Variants in PPP2R2C observed in about 807,000 individuals in gnomAD.
PPP2R2C encodes the protein protein phosphatase 2 regulatory subunit Bgamma.
In PPP2R2C, 10 loss-of-function variants were observed where a neutral mutation model predicts 45.3. The ratio of observed to expected loss-of-function variants is 0.22; its 90% CI spans 0.14 to 0.37. The LOEUF (loss-of-function observed/expected upper bound fraction) is 0.37, where lower values mean the gene tolerates loss of function less well. Among genes scored for constraint, PPP2R2C ranks in the 10% least tolerant of loss-of-function variants. The pLI is 1.00. For synonymous variants in PPP2R2C, 257 were observed against 245.4 expected (o/e 1.05, Z -0.44); for missense variants, 308 against 619.7 (o/e 0.50, Z 5.34).
In PPP2R2C at chr4:6,328,493, T is replaced by G. The variant is rs943025338; in HGVS notation, c.1052+769A>C. On this transcript the variant is annotated intron_variant, in intron 8 of 8. Coordinates refer to ENST00000382599, the MANE Select transcript of PPP2R2C (RefSeq NM_020416.4). This position sits in a 1 kb window ranked among gnomAD's most constrained non-coding sequence, Gnocchi z 4.4. ...CAGGACCCTGAGCACAAAGCTGATG[T>G]GATTTGGGAGGGCAGAAGAGGGATT... 6.6e-6 allele frequency among the ~76,000 whole-genome samples: 1 copy of G among 152,046 alleles called. No individual in the cohort carries two copies. Among genetic ancestry groups the G allele is most frequent in the Non-Finnish European group, 1.5e-5 (1 of 67,998 alleles).
chr4:6,369,622 C>T (rs1006871742), intron 5 of PPP2R2C, among the ~76,000 whole-genome samples: 4 of 152,326 alleles, frequency 2.6e-5, no homozygotes, highest in South Asian at 4.1e-4. Flanking sequence ...CTGCACCATC[C>T]ACAGTGCCAC....
At chr4:6,518,556 C>A (rs982808092) in intron 2 of PPP2R2C, among the ~76,000 whole-genome samples, 1 of 152,098 alleles carries the variant, frequency 6.6e-6, no homozygotes, top group African/African-American at 2.4e-5. Flanking sequence ...AGATGAAATG[C>A]CAATTCCTTA....
rs532588164 is a variant in PPP2R2C, at chr4:6,559,261, G to A, written c.-59+4299C>T. ...CCTCAGTGTGCTCCTCTGTAAAACC[G>A]GGGGCAGTGGGCACGTCCACACCCT... On this transcript the variant is annotated intron_variant, in intron 1 of 9. Coordinates refer to the PPP2R2C transcript ENST00000506140. Among the ~76,000 whole-genome samples the A allele has an allele frequency of 3.9e-5, 6 of 152,260 alleles. No homozygotes were observed. In the East Asian group the frequency reaches 1.2e-3, roughly 29 times the overall value.
chr4:6,375,134 G>C (rs781219661), intron 4 of PPP2R2C, among the ~76,000 whole-genome samples: 5 of 152,148 alleles, frequency 3.3e-5, no homozygotes, highest in Admixed American at 2.0e-4. Flanking sequence ...GGGGGGTGGG[G>C]CAGGGGGCAC....
intron 2 of PPP2R2C, among the ~76,000 whole-genome samples, chr4:6,533,117 A>G (rs1424656068): frequency 2.0e-5 from 3 of 152,232 alleles, no homozygotes; most frequent in African/African-American, 7.2e-5. Flanking sequence ...GACTTTAGAA[A>G]GCTTCCTATT....
Position 6,350,757 on chromosome 4 carries a change from T to C in PPP2R2C, c.626-2747A>G, listed in dbSNP as rs1175905696. On this transcript the variant is annotated intron_variant, in intron 5 of 8. Coordinates refer to ENST00000382599, the MANE Select transcript of PPP2R2C (RefSeq NM_020416.4). ...CCAATGAATAGACAAGTGAGGCATG[T>C]CACCTCCAGGCTGAAGTTTTGAGAG... 6.1e-6 allele frequency: 6 copies of C among 985,394 alleles called. No homozygotes were observed. The South Asian group carries it at 1.4e-4, about 23-fold the overall frequency. The allele number at this position is 985,394 out of a possible 1,614,324, so 61.0% of individuals were successfully genotyped here.
At chr4:6,469,543 C>T (rs1577206946) in intron 1 of PPP2R2C, among the ~76,000 whole-genome samples, 1 of 152,200 alleles carries the variant, frequency 6.6e-6, no homozygotes, top group African/African-American at 2.4e-5. Flanking sequence ...TCCAACAACC[C>T]AAGCACTGTG....
At chr4:6,402,704 G>C (rs1237791030) in intron 1 of PPP2R2C, among the ~76,000 whole-genome samples, 1 of 152,226 alleles carries the variant, frequency 6.6e-6, no homozygotes, top group Non-Finnish European at 1.5e-5. Flanking sequence ...GAGACATGGG[G>C]ATTCTGAGGG....
intron 1 of PPP2R2C, among the ~76,000 whole-genome samples, chr4:6,539,397 T>C (rs1231553671): frequency 6.6e-6 from 1 of 152,180 alleles, no homozygotes; most frequent in African/African-American, 2.4e-5. Flanking sequence ...TACGTTTCTG[T>C]TGTCTTAAAC....
At chr4:6,390,583 G>A (rs545570166) in intron 1 of PPP2R2C, among the ~76,000 whole-genome samples, 20 of 152,352 alleles carry the variant, frequency 1.3e-4, no homozygotes, top group African/African-American at 2.6e-4. Context: ...AAGTCTGGGC[G>A]GAGTCAGACT....
intron 2 of PPP2R2C, among the ~76,000 whole-genome samples, chr4:6,380,737 C>T (rs1715714284): frequency 6.6e-6 from 1 of 152,078 alleles, no homozygotes. Context: ...CCTACCACCG[C>T]CCGCCACTCC....
At chr4:6,379,285 A>G (rs1409893232) in intron 2 of PPP2R2C, among the ~76,000 whole-genome samples, 2 of 152,202 alleles carry the variant, frequency 1.3e-5, no homozygotes, top group African/African-American at 4.8e-5. Context: ...TCAGGTGGTG[A>G]GTCCACTGTG....
intron 1 of PPP2R2C, among the ~76,000 whole-genome samples, chr4:6,433,600 C>A (rs554353654): frequency 1.5e-4 from 23 of 152,326 alleles, no homozygotes; most frequent in South Asian, 6.2e-4. Flanking sequence ...GTCATCCCCC[C>A]CATTGGGCCA....
chr4:6,502,721 T>C lies in PPP2R2C; in HGVS notation c.49+32550A>G, dbSNP rs369866502. 1.5e-4 allele frequency among the ~76,000 whole-genome samples: 23 copies of C among 152,224 alleles called. 1 individual carries two copies. Among genetic ancestry groups the C allele is most frequent in the African/African-American group, 5.3e-4 (22 of 41,538 alleles). On this transcript the variant is annotated intron_variant, in intron 2 of 9. Transcript: ENST00000506140. ...AGGCAGGGTAATAGGATAGAGGGAC[T>C]TTGCACACTTCCTGACCCCCTCCTT... is the stretch of plus-strand genomic sequence containing the variant.
intron 5 of PPP2R2C, chr4:6,349,738 C>CT: frequency 2.1e-6 from 1 of 477,704 alleles, no homozygotes; most frequent in South Asian, 1.0e-4. Context: ...CCCATCTCTA[C>CT]TAAAAAAAAA....
At chr4:6,337,404 T>C (rs1334787275) in intron 6 of PPP2R2C, among the ~76,000 whole-genome samples, 1 of 151,800 alleles carries the variant, frequency 6.6e-6, no homozygotes, top group Non-Finnish European at 1.5e-5. Context: ...CGGGACCTGG[T>C]GGCCCCCAGC....
intron 2 of PPP2R2C, among the ~76,000 whole-genome samples, chr4:6,525,580 C>A (rs1031297455): frequency 6.6e-6 from 1 of 152,164 alleles, no homozygotes; most frequent in African/African-American, 2.4e-5. Context: ...TCGCTAAATG[C>A]CATTATGCTT....
intron 2 of PPP2R2C, among the ~76,000 whole-genome samples, chr4:6,535,110 G>C (rs938970008): frequency 6.6e-6 from 1 of 152,198 alleles, no homozygotes; most frequent in African/African-American, 2.4e-5. Context: ...AGGAGCCAGG[G>C]TCGGGGGCCC....
intron 5 of PPP2R2C, chr4:6,348,744 G>A (rs1480011324): frequency 2.1e-6 from 2 of 965,094 alleles, no homozygotes; most frequent in Non-Finnish European, 2.5e-6. Context: ...AGAAACCCTG[G>A]AGCTTGAGGG....
Sources: gnomAD v4.1 joint callset for allele counts (sites outside exome capture counted in the v4.1 genomes callset) on GRCh38, gnomAD v4.1.1 for gene constraint, Gnocchi (gnomAD v3.1) non-coding constraint, MANE v1.5 for transcripts, NCBI Gene and HGNC (gene_info 2026-07-23, HGNC 2026-07-21) for gene names.